The following ZNF415 variants were observed in gnomAD, a reference collection of about 807,000 sequenced individuals.
ZNF415 encodes the protein zinc finger protein 415.
In ZNF415, 5 loss-of-function variants were observed where a neutral mutation model predicts 7.3. The observed-to-expected ratio is 0.69, with a 90% CI of 0.36 to 1.44. The LOEUF (loss-of-function observed/expected upper bound fraction) is 1.44. Ranked by LOEUF, ZNF415 falls within the 40% of genes most tolerant of loss-of-function variation. ZNF415 has a pLI of 0.04. For synonymous variants in ZNF415, 207 were observed against 226.3 expected, an observed-to-expected ratio of 0.91 and a Z score of 0.77; for missense variants, 628 against 664.8, an observed-to-expected ratio of 0.94 and a Z score of 0.61.
intron 3 of ZNF415, chr19:53,115,625 A>G (rs2086899744): frequency 1.8e-6 from 2 of 1,106,462 alleles, no homozygotes; most frequent in Non-Finnish European, 2.7e-6. Flanking sequence ...TTGTTTTCCT[A>G]CAGAACTCTC....
In ZNF415 at chr19:53,109,556, G is replaced by A; in HGVS notation, c.489C>T (p.Asn163=). 6.2e-7 allele frequency: 1 copy of A among 1,614,060 alleles called. No homozygotes were observed. Among genetic ancestry groups the A allele is most frequent in the African/African-American group, 1.3e-5 (1 of 75,022 alleles). ...CATGGTTGACAGACTTCTCAACATG[G>A]TTACATTCATAAATTTTCCCTTCAG... ...FQAEGKIYEC[N]HVEKSVNHGS... The change falls in exon 4 of 4, where the codon AAC becomes AAT. Residue 163 remains asparagine, a synonymous_variant. Coordinates refer to ENST00000243643, the MANE Select transcript of ZNF415 (RefSeq NM_018355.4).
rs2085722822 is a variant in ZNF415, at chr19:53,108,568, C to T, written c.1477G>A (p.Glu493Lys). Residue 493 changes from glutamate to lysine, a missense_variant, in exon 4 of 4, where the codon GAA becomes AAA. By Grantham distance (56) the Glu-to-Lys change is moderately conservative. Transcript: ENST00000243643. ...CACTCATTACATTTGTAAGGTTTTT[C>T]TCCAGTATGGATGACCTGATGGGTA... The part of the protein sequence containing the change: ...LTTHQVIHTG[E>K]KPYKCNECGK... 1 of 1,613,960 alleles carries T rather than the reference C, an allele frequency of 6.2e-7. No homozygotes were observed. Among genetic ancestry groups the T allele is most frequent in the Admixed American group, 1.7e-5 (1 of 59,992 alleles).
intron 3 of ZNF415, 110 bp downstream of exon 3, chr19:53,116,203 A>C: frequency 7.9e-7 from 1 of 1,271,642 alleles, no homozygotes; most frequent in Non-Finnish European, 1.1e-6. Flanking sequence ...TTCAGAGTCA[A>C]CAAGGCCTCA....
At position 53,109,074 on chromosome 19, in the gene ZNF415, C is replaced by T. The variant is rs1277611544; in HGVS notation, c.971G>A (p.Gly324Glu). 16 of 1,612,346 alleles carry T rather than the reference C, an allele frequency of 9.9e-6. No homozygotes were observed. In the South Asian group the frequency reaches 1.8e-4, roughly 18 times the overall value. The part of the protein sequence containing the change: ...CLALHQKTHI[G>E]EKPYTCKECG... Reference sequence around the variant, plus strand: ...CTCTTTACATGTGTAAGGTTTCTCTCCAATATGAGTTTTCTGATGTAGTGC... The same window carrying T: ...CTCTTTACATGTGTAAGGTTTCTCTTCAATATGAGTTTTCTGATGTAGTGC... Residue 324 changes from glycine to glutamate, a missense_variant, in exon 4 of 4, where the codon GGA (glycine) becomes GAA (glutamate). By Grantham distance (98) the Gly-to-Glu change is moderately conservative. Transcript: ENST00000243643.
intron 2 of ZNF415, among the ~76,000 whole-genome samples, chr19:53,118,198 TAA>T (rs2087364753): frequency 6.6e-6 from 1 of 151,690 alleles, no homozygotes; most frequent in Non-Finnish European, 1.5e-5. Flanking sequence ...TTAAAAACAG[TAA>T]AAGAGATGAA....
intron 1 of ZNF415, among the ~76,000 whole-genome samples, chr19:53,126,951 C>G (rs1316213189): frequency 9.5e-6 from 1 of 105,818 alleles, no homozygotes. Context: ...CCCCTCAGCT[C>G]CCCAGCTGCC....
At chr19:53,112,232 C>G (rs1399351219) in intron 3 of ZNF415, among the ~76,000 whole-genome samples, 1 of 152,216 alleles carries the variant, frequency 6.6e-6, no homozygotes, top group Non-Finnish European at 1.5e-5. Context: ...GCGTGAGCAA[C>G]CACGCCGGGC....
chr19:53,113,271 G>C (rs2086512800), intron 3 of ZNF415, among the ~76,000 whole-genome samples: 1 of 94,772 alleles, frequency 1.1e-5, no homozygotes, highest in Admixed American at 1.3e-4. Flanking sequence ...CACTTTGGGA[G>C]GCCGAGACGG....
Position 53,125,430 on chromosome 19 carries a change from G to A in ZNF415, c.-67-2687C>T, listed in dbSNP as rs550552612. ...GCTCAGTGCAGCCTCGGCTTCCTGT[G>A]CTGAAGCAATCCTCCCACCTCAGCC... On this transcript the variant is annotated intron_variant, in intron 1 of 3. Coordinates refer to ENST00000243643, the MANE Select transcript of ZNF415 (RefSeq NM_018355.4). Among the ~76,000 whole-genome samples the A allele has an allele frequency of 7.9e-5, 12 of 151,586 alleles. No individual in the cohort carries two copies. In the South Asian group the frequency reaches 2.5e-3, roughly 32 times the overall value.
At chr19:53,116,761 T>C (rs144158341) in intron 2 of ZNF415, among the ~76,000 whole-genome samples, 1 of 152,020 alleles carries the variant, frequency 6.6e-6, no homozygotes, top group African/African-American at 2.4e-5. Flanking sequence ...ACTATAGGCA[T>C]GTGTGTACAA....
chr19:53,130,969 G>A (rs1394892805), intron 1 of ZNF415, among the ~76,000 whole-genome samples: 1 of 150,542 alleles, frequency 6.6e-6, no homozygotes, highest in Non-Finnish European at 1.5e-5. Context: ...TTCCTTTTGA[G>A]CAACGTTGTC....
At chr19:53,119,108 C>T (rs1464154698) in intron 2 of ZNF415, among the ~76,000 whole-genome samples, 18 of 151,990 alleles carry the variant, frequency 1.2e-4, no homozygotes, top group African/African-American at 3.4e-4. Context: ...GTGAACCCCG[C>T]TTCTACTAAA....
chr19:53,130,340 A>G (rs1432784958), intron 1 of ZNF415, among the ~76,000 whole-genome samples: 1 of 152,188 alleles, frequency 6.6e-6, no homozygotes, highest in Non-Finnish European at 1.5e-5. Context: ...CTTCTATTAT[A>G]TAATAAAGAG....
intron 2 of ZNF415, among the ~76,000 whole-genome samples, chr19:53,116,993 G>C (rs758972969): frequency 1.8e-4 from 28 of 152,078 alleles, no homozygotes; most frequent in Non-Finnish European, 3.4e-4. Context: ...AAAAAAGATA[G>C]AAAGCTATTT....
chr19:53,128,256 A>G (rs957800000), intron 1 of ZNF415, among the ~76,000 whole-genome samples: 6 of 152,020 alleles, frequency 3.9e-5, no homozygotes, highest in Admixed American at 3.3e-4. Flanking sequence ...TCAAGTCTAG[A>G]TTCTAGAAGT....
chr19:53,113,528 A>C (rs868406914), intron 3 of ZNF415, among the ~76,000 whole-genome samples: 1 of 27,418 alleles, frequency 3.6e-5, no homozygotes, highest in Non-Finnish European at 7.3e-5. Context: ...AAAAAAAAAA[A>C]AAAAAACCGA....
Position 53,116,436 on chromosome 19 carries a change from G to C in ZNF415, c.16-3C>G, listed in dbSNP as rs536415065. 2 of 1,613,884 alleles carry C rather than the reference G, an allele frequency of 1.2e-6. No individual in the cohort carries two copies. The highest frequency in any genetic ancestry group is 1.7e-6 in the Non-Finnish European group (2 of 1,180,008). On this transcript the variant is annotated splice_polypyrimidine_tract_variant and splice_region_variant and intron_variant, in intron 2 of 3. Transcript: ENST00000243643. ...ATGGCCACGTCCCTGAATGTCAACT[G>C]TCCGTAAAATAATAAACACATTTCA...
intron 2 of ZNF415, among the ~76,000 whole-genome samples, chr19:53,121,039 G>A (rs947206105): frequency 4.6e-4 from 63 of 137,240 alleles, no homozygotes; most frequent in African/African-American, 1.7e-3. Context: ...AGCTGAGATC[G>A]CGCCACTGCA....
At chr19:53,124,875 G>A (rs2088775853) in intron 1 of ZNF415, among the ~76,000 whole-genome samples, 1 of 151,602 alleles carries the variant, frequency 6.6e-6, no homozygotes, top group South Asian at 2.1e-4. Context: ...GTGCGGGGCA[G>A]GAATTAAATG....
Sources: gnomAD v4.1 joint callset for allele counts (sites outside exome capture counted in the v4.1 genomes callset) on GRCh38, gnomAD v4.1.1 for gene constraint, MANE v1.5 for transcripts, NCBI Gene and HGNC (gene_info 2026-07-23, HGNC 2026-07-21) for gene names.